The following TTLL5 variants were observed in gnomAD, a reference collection of about 807,000 sequenced individuals.
TTLL5 encodes tubulin polyglutamylase TTLL5.
TTLL5 carries 132 observed loss-of-function variants against 168.4 expected under a neutral mutation model. The ratio of observed to expected loss-of-function variants is 0.78; its 90% CI spans 0.68 to 0.91. TTLL5 has a LOEUF of 0.91. TTLL5 is among the 40% of genes least tolerant of loss of function. The probability of loss-of-function intolerance (pLI) is 0.00; values close to 1 mark genes in which losing one functional copy is unlikely to be tolerated. For synonymous variants in TTLL5, 546 were observed against 558.6 expected (o/e 0.98, Z 0.32); for missense variants, 1,545 against 1,581.5 (o/e 0.98, Z 0.39).
At chr14:75,793,695 A>G (rs1364036648) in intron 27 of TTLL5, among the ~76,000 whole-genome samples, 1 of 152,202 alleles carries the variant, frequency 6.6e-6, no homozygotes, top group African/African-American at 2.4e-5. Flanking sequence ...TCCTTATGCT[A>G]TATAGATATT....
chr14:75,873,123 G>C (rs954419223), intron 29 of TTLL5, among the ~76,000 whole-genome samples: 1 of 148,644 alleles, frequency 6.7e-6, no homozygotes, highest in Admixed American at 6.7e-5. Flanking sequence ...CCCCAGGCTG[G>C]AGTGCAGTGG....
chr14:75,706,147 C>T (rs1420948473), intron 7 of TTLL5, among the ~76,000 whole-genome samples: 1 of 152,224 alleles, frequency 6.6e-6, no homozygotes. Context: ...TCCCAGCCTT[C>T]ACTCATTTCT....
At chr14:75,750,810 C>T (rs997064292) in intron 17 of TTLL5, among the ~76,000 whole-genome samples, 3 of 151,854 alleles carry the variant, frequency 2.0e-5, no homozygotes, top group Admixed American at 2.0e-4. Flanking sequence ...TTAATAGTAA[C>T]TAATAATAAA....
chr14:75,850,871 G>C (rs1288851949), intron 28 of TTLL5, among the ~76,000 whole-genome samples: 1 of 152,022 alleles, frequency 6.6e-6, no homozygotes, highest in Non-Finnish European at 1.5e-5. Context: ...ACTTTGGGAG[G>C]CTGCGGTGAG....
intron 31 of TTLL5, among the ~76,000 whole-genome samples, chr14:75,929,102 A>C (rs2140163303): frequency 6.6e-6 from 1 of 151,760 alleles, no homozygotes; most frequent in Non-Finnish European, 1.5e-5. Context: ...GAGTCTTAGA[A>C]GTCAGAATTT....
At chr14:75,903,020 TTGAC>T (rs1277578208) in intron 31 of TTLL5, among the ~76,000 whole-genome samples, 2 of 152,164 alleles carry the variant, frequency 1.3e-5, no homozygotes, top group Non-Finnish European at 2.9e-5. Flanking sequence ...ACAGACTACA[TTGAC>T]TGAGGATTTG....
At chr14:75,895,236 A>T (rs6574256) in intron 30 of TTLL5, among the ~76,000 whole-genome samples, 2 of 152,126 alleles carry the variant, frequency 1.3e-5, no homozygotes, top group Non-Finnish European at 2.9e-5. Flanking sequence ...TGTATGTGCA[A>T]TTAAAATTTC....
intron 27 of TTLL5, among the ~76,000 whole-genome samples, chr14:75,807,183 C>T (rs1283137591): frequency 6.6e-6 from 1 of 152,168 alleles, no homozygotes; most frequent in African/African-American, 2.4e-5. Flanking sequence ...TGCAGTGGCG[C>T]ACTCCTATAA....
intron 6 of TTLL5, among the ~76,000 whole-genome samples, chr14:75,695,839 C>G (rs1237683753): frequency 7.5e-6 from 1 of 132,716 alleles, no homozygotes; most frequent in Non-Finnish European, 1.6e-5. Flanking sequence ...CCCTCTCCCA[C>G]TTCCCTCCCC....
chr14:75,885,762 C>G (rs1232571662), intron 30 of TTLL5, among the ~76,000 whole-genome samples: 6 of 152,166 alleles, frequency 3.9e-5, no homozygotes, highest in Admixed American at 3.9e-4. Context: ...CTCAACATCT[C>G]TGTGACTCAG....
intron 3 of TTLL5, among the ~76,000 whole-genome samples, chr14:75,679,233 C>A (rs1033675792): frequency 6.6e-6 from 1 of 152,132 alleles, no homozygotes; most frequent in Non-Finnish European, 1.5e-5. Flanking sequence ...AATGTAATCA[C>A]AAGAGTTTTT....
At chr14:75,667,539 G>A (rs928159717) in intron 2 of TTLL5, among the ~76,000 whole-genome samples, 1 of 152,132 alleles carries the variant, frequency 6.6e-6, no homozygotes, top group Non-Finnish European at 1.5e-5. Context: ...TATCAGCACC[G>A]TTTCTCACAA....
chr14:75,770,776 C>T (rs774557626), intron 20 of TTLL5, among the ~76,000 whole-genome samples: 1 of 152,180 alleles, frequency 6.6e-6, no homozygotes. Context: ...GGATTTCTTT[C>T]GCCCACTGAA....
chr14:75,745,351 A>C, intron 16 of TTLL5, 139 bp from the exon 17 acceptor site: 1 of 1,191,424 alleles, frequency 8.4e-7, no homozygotes, highest in South Asian at 1.4e-5. Context: ...TTTCTCAGGG[A>C]AGAACATTTT....
intron 28 of TTLL5, among the ~76,000 whole-genome samples, chr14:75,829,238 T>A (rs1402620299): frequency 6.6e-6 from 1 of 152,200 alleles, no homozygotes; most frequent in Non-Finnish European, 1.5e-5. Flanking sequence ...TATTCATCAC[T>A]TAAGAGATAA....
At chr14:75,847,446 T>A (rs988257929) in intron 28 of TTLL5, among the ~76,000 whole-genome samples, 1 of 152,036 alleles carries the variant, frequency 6.6e-6, no homozygotes, top group Non-Finnish European at 1.5e-5. Flanking sequence ...AAAAACTAGA[T>A]CATAAATAAG....
At position 75,683,585 on chromosome 14, in the gene TTLL5, G is replaced by T. The variant is rs771444809; in HGVS notation, c.300G>T (p.Trp100Cys). Residue 100 changes from tryptophan to cysteine, a missense_variant, in exon 5 of 32, where the codon TGG (tryptophan) becomes TGT (cysteine). By Grantham distance (215) the Trp-to-Cys change is radical. Transcript: ENST00000298832. ...HPSSTDYNLM[W>C]TGSHLKPFLL... ...GCAGCACTGACTATAACCTAATGTGGACAGGATCCCACCTGAAGCCCTTCT... is the reference window on the plus strand; with the variant it reads ...GCAGCACTGACTATAACCTAATGTGTACAGGATCCCACCTGAAGCCCTTCT... 1 of 1,613,960 alleles carries T rather than the reference G, an allele frequency of 6.2e-7. No homozygotes were observed. The highest frequency in any genetic ancestry group is 8.5e-7 in the Non-Finnish European group (1 of 1,179,936).
intron 7 of TTLL5, among the ~76,000 whole-genome samples, chr14:75,703,995 A>G (rs1158555725): frequency 2.0e-5 from 3 of 152,218 alleles, no homozygotes; most frequent in Non-Finnish European, 4.4e-5. Flanking sequence ...AGAACCACAT[A>G]TATTCTGTTA....
At chr14:75,725,108 G>C (rs1156356550) in intron 12 of TTLL5, among the ~76,000 whole-genome samples, 2 of 152,156 alleles carry the variant, frequency 1.3e-5, no homozygotes, top group Non-Finnish European at 2.9e-5. Context: ...TGTTTGCTCC[G>C]CACCAGCCAT....
Sources: allele counts gnomAD v4.1 joint callset (sites outside exome capture counted in the v4.1 genomes callset), GRCh38; gene constraint gnomAD v4.1.1; transcripts MANE v1.5; gene names NCBI Gene and HGNC (gene_info 2026-07-23, HGNC 2026-07-21).